RNU4ATAC: variants seen among roughly 807,000 people sequenced by gnomAD.
RNU4ATAC encodes the protein RNA, U4atac small nuclear (U12-dependent splicing).
At chr2:121,531,005 A>AAAATG (rs1553615848) in exon 1 of RNU4ATAC, 32 of 700,228 alleles carry the variant, frequency 4.6e-5, no homozygotes, top group Admixed American at 6.4e-4. Flanking sequence ...AATTTTTGGA[A>AAAATG]AAATGAAAAC....
At chr2:121,530,979 T>TA (rs2094804923) in exon 1 of RNU4ATAC, 1 of 700,432 alleles carries the variant, frequency 1.4e-6, no homozygotes, top group South Asian at 1.5e-5. Flanking sequence ...CTAGAGCTTT[T>TA]GCTTTATTTT....
In RNU4ATAC at chr2:121,530,935, T is replaced by C. The variant is rs776819299; in HGVS notation, n.55T>C. 2.3e-5 allele frequency: 16 copies of C among 700,300 alleles called. No individual in the cohort carries two copies. Among genetic ancestry groups the C allele is most frequent in the South Asian group, 4.4e-5 (3 of 67,514 alleles). 43.4% of individuals were successfully genotyped at this position (700,300 alleles called of 1,614,324 possible). A position where few individuals can be genotyped will look rare whatever the true frequency, so the allele number is the denominator to read the frequency against. Reference sequence around the variant, plus strand: ...TCCAATGAGCGCATAGTGAGGGCAGTACTGCTAACGCCTGAACAACACACC... The same window carrying C: ...TCCAATGAGCGCATAGTGAGGGCAGCACTGCTAACGCCTGAACAACACACC... On this transcript the variant is annotated non_coding_transcript_exon_variant, in exon 1 of 1. Transcript: ENST00000580972.
rs191916413 is a variant in RNU4ATAC, at chr2:121,530,947, C to T, written n.67C>T. On this transcript the variant is annotated non_coding_transcript_exon_variant, in exon 1 of 1. Coordinates refer to ENST00000580972, the Ensembl canonical transcript of RNU4ATAC. ...ATAGTGAGGGCAGTACTGCTAACGC[C>T]TGAACAACACACCCGCATCAACTAG... 3.4e-4 allele frequency: 241 copies of T among 700,426 alleles called. No homozygotes were observed. Among genetic ancestry groups the T allele is most frequent in the African/African-American group, 2.7e-3 (157 of 57,296 alleles). 43.4% of individuals were successfully genotyped at this position (700,426 alleles called of 1,614,324 possible).
At chr2:121,530,892 CTTGGGGT>C (rs919153702) in exon 1 of RNU4ATAC, 1 of 693,696 alleles carries the variant, frequency 1.4e-6, no homozygotes, top group African/African-American at 1.8e-5. Flanking sequence ...CCATCCTTTT[CTTGGGGT>C]TGCGCTACTG....
exon 1 of RNU4ATAC, chr2:121,530,899 T>G (rs1387127438): frequency 7.2e-6 from 5 of 695,216 alleles, no homozygotes; most frequent in African/African-American, 3.5e-5. Flanking sequence ...TTTCTTGGGG[T>G]TGCGCTACTG....
chr2:121,530,931 G>A lies in RNU4ATAC; in HGVS notation n.51G>A, dbSNP rs557186710. On this transcript the variant is annotated non_coding_transcript_exon_variant, in exon 1 of 1. Transcript: ENST00000580972. Reference sequence around the variant, plus strand: ...ACTGTCCAATGAGCGCATAGTGAGGGCAGTACTGCTAACGCCTGAACAACA... The same window carrying A: ...ACTGTCCAATGAGCGCATAGTGAGGACAGTACTGCTAACGCCTGAACAACA... 3.9e-4 allele frequency: 271 copies of A among 700,376 alleles called. No homozygotes were observed. The highest frequency in any genetic ancestry group is 1.6e-3 in the African/African-American group (93 of 57,304). 43.4% of individuals were successfully genotyped at this position (700,376 alleles called of 1,614,324 possible).
chr2:121,530,890 T>C lies in RNU4ATAC; in HGVS notation n.10T>C, dbSNP rs909175867. 8 of 693,582 alleles carry C rather than the reference T, an allele frequency of 1.2e-5. No individual in the cohort carries two copies. Among genetic ancestry groups the C allele is most frequent in the South Asian group, 3.0e-5 (2 of 67,284 alleles). 43.0% of individuals were successfully genotyped at this position (693,582 alleles called of 1,614,324 possible). A position where few individuals can be genotyped will look rare whatever the true frequency, so the allele number is the denominator to read the frequency against. On this transcript the variant is annotated non_coding_transcript_exon_variant, in exon 1 of 1. Coordinates refer to ENST00000580972, the Ensembl canonical transcript of RNU4ATAC. ...GGGACTTTCTATTATAACCATCCTT[T>C]TCTTGGGGTTGCGCTACTGTCCAAT...
chr2:121,530,880 A>T (rs769805188), upstream of RNU4ATAC: 1 of 691,936 alleles, frequency 1.4e-6, no homozygotes. Context: ...TTTCTATTAT[A>T]ACCATCCTTT....
chr2:121,530,948 TGAACAACACACCC>T, exon 1 of RNU4ATAC: 1 of 700,432 alleles, frequency 1.4e-6, no homozygotes, highest in Non-Finnish European at 2.6e-6. Flanking sequence ...TGCTAACGCC[TGAACAACACACCC>T]GCATCAACTA....
chr2:121,530,925 G>A lies in RNU4ATAC; in HGVS notation n.45G>A, dbSNP rs1032667950. ...TGCGCTACTGTCCAATGAGCGCATAGTGAGGGCAGTACTGCTAACGCCTGA... is the reference window on the plus strand; with the variant it reads ...TGCGCTACTGTCCAATGAGCGCATAATGAGGGCAGTACTGCTAACGCCTGA... On this transcript the variant is annotated non_coding_transcript_exon_variant, in exon 1 of 1. Coordinates refer to ENST00000580972, the Ensembl canonical transcript of RNU4ATAC. 62 of 699,948 alleles carry A rather than the reference G, an allele frequency of 8.9e-5. No homozygotes were observed. Among genetic ancestry groups the A allele is most frequent in the Admixed American group, 2.0e-4 (10 of 49,988 alleles). The allele number at this position is 699,948 out of a possible 1,614,324, so 43.4% of individuals were successfully genotyped here.
At position 121,530,969 on chromosome 2, in the gene RNU4ATAC, C is replaced by CT. The variant is rs544948025; in HGVS notation, n.90dup. The CT allele has an allele frequency of 2.5e-3, 1,760 of 700,398 alleles. 2 individuals are homozygous for CT. Among genetic ancestry groups the CT allele is most frequent in the Non-Finnish European group, 3.6e-3 (1,393 of 384,810 alleles). 43.4% of individuals were successfully genotyped at this position (700,398 alleles called of 1,614,324 possible). A position where few individuals can be genotyped will look rare whatever the true frequency, so the allele number is the denominator to read the frequency against. On this transcript the variant is annotated non_coding_transcript_exon_variant, in exon 1 of 1. Coordinates refer to ENST00000580972, the Ensembl canonical transcript of RNU4ATAC. ...CGCCTGAACAACACACCCGCATCAACTAGAGCTTTTGCTTTATTTTGGTGC... is the reference window on the plus strand; with the variant it reads ...CGCCTGAACAACACACCCGCATCAACTTAGAGCTTTTGCTTTATTTTGGTGC...
In RNU4ATAC at chr2:121,530,975, C is replaced by T. The variant is rs538424742; in HGVS notation, n.95C>T. The T allele has an allele frequency of 5.3e-4, 369 of 700,416 alleles. No individual in the cohort carries two copies. The highest frequency in any genetic ancestry group is 8.1e-4 in the Non-Finnish European group (310 of 384,822). The allele number at this position is 700,416 out of a possible 1,614,324, so 43.4% of individuals were successfully genotyped here. On this transcript the variant is annotated non_coding_transcript_exon_variant, in exon 1 of 1. Transcript: ENST00000580972. Reference sequence around the variant, plus strand: ...AACAACACACCCGCATCAACTAGAGCTTTTGCTTTATTTTGGTGCAATTTT... The same window carrying T: ...AACAACACACCCGCATCAACTAGAGTTTTTGCTTTATTTTGGTGCAATTTT...
exon 1 of RNU4ATAC, chr2:121,530,936 A>G (rs72969388): frequency 5.7e-6 from 4 of 700,432 alleles, no homozygotes; most frequent in African/African-American, 3.5e-5. Flanking sequence ...TGAGGGCAGT[A>G]CTGCTAACGC....
chr2:121,530,981 C>G (rs148828161), exon 1 of RNU4ATAC: 9 of 700,310 alleles, frequency 1.3e-5, no homozygotes, highest in Admixed American at 2.0e-5. Context: ...AGAGCTTTTG[C>G]TTTATTTTGG....
At chr2:121,531,007 A>T (rs780395960) in exon 1 of RNU4ATAC, 2 of 700,154 alleles carry the variant, frequency 2.9e-6, no homozygotes, top group African/African-American at 1.7e-5. Flanking sequence ...TTTTTGGAAA[A>T]ATGAAAACCT....
Position 121,530,938 on chromosome 2 carries a change from T to C in RNU4ATAC, n.58T>C, listed in dbSNP as rs942326759. The C allele has an allele frequency of 1.3e-5, 9 of 700,434 alleles. No individual in the cohort carries two copies. Among genetic ancestry groups the C allele is most frequent in the Non-Finnish European group, 2.1e-5 (8 of 384,814 alleles). 43.4% of individuals were successfully genotyped at this position (700,434 alleles called of 1,614,324 possible). A position where few individuals can be genotyped will look rare whatever the true frequency, so the allele number is the denominator to read the frequency against. ...AATGAGCGCATAGTGAGGGCAGTAC[T>C]GCTAACGCCTGAACAACACACCCGC... On this transcript the variant is annotated non_coding_transcript_exon_variant, in exon 1 of 1. Transcript: ENST00000580972.
rs765672625 is a variant in RNU4ATAC at position 121,530,893 on chromosome 2, T to C, written n.13T>C. 42 of 694,046 alleles carry C rather than the reference T, an allele frequency of 6.1e-5. No homozygotes were observed. The highest frequency in any genetic ancestry group is 2.4e-4 in the Admixed American group (12 of 49,744). 43.0% of individuals were successfully genotyped at this position (694,046 alleles called of 1,614,324 possible). ...ACTTTCTATTATAACCATCCTTTTC[T>C]TGGGGTTGCGCTACTGTCCAATGAG... On this transcript the variant is annotated non_coding_transcript_exon_variant, in exon 1 of 1. Transcript: ENST00000580972.
chr2:121,530,951 A>G lies in RNU4ATAC; in HGVS notation n.71A>G, dbSNP rs531079609. On this transcript the variant is annotated non_coding_transcript_exon_variant, in exon 1 of 1. Transcript: ENST00000580972. ...TGAGGGCAGTACTGCTAACGCCTGA[A>G]CAACACACCCGCATCAACTAGAGCT... 50 of 700,422 alleles carry G rather than the reference A, an allele frequency of 7.1e-5. No homozygotes were observed. The highest frequency in any genetic ancestry group is 3.7e-4 in the Middle Eastern group (1 of 2,738). 43.4% of individuals were successfully genotyped at this position (700,422 alleles called of 1,614,324 possible).
At position 121,530,887 on chromosome 2, in the gene RNU4ATAC, C is replaced by A. The variant is rs370715569; in HGVS notation, n.7C>A. ...CCAGGGACTTTCTATTATAACCATC[C>A]TTTTCTTGGGGTTGCGCTACTGTCC... On this transcript the variant is annotated non_coding_transcript_exon_variant, in exon 1 of 1. Coordinates refer to ENST00000580972, the Ensembl canonical transcript of RNU4ATAC. 4.3e-6 allele frequency: 3 copies of A among 692,978 alleles called. No homozygotes were observed. Among genetic ancestry groups the A allele is most frequent in the South Asian group, 1.5e-5 (1 of 67,254 alleles). The allele number at this position is 692,978 out of a possible 1,614,324, so 42.9% of individuals were successfully genotyped here.
Sources: allele counts gnomAD v4.1 joint callset, GRCh38; gene constraint gnomAD v4.1.1; transcripts MANE v1.5; gene names NCBI Gene and HGNC (gene_info 2026-07-23, HGNC 2026-07-21).